PCNT: variants seen among roughly 807,000 people sequenced by gnomAD.
PCNT encodes the protein kendrin.
In PCNT, 319 loss-of-function variants were observed where a neutral mutation model predicts 380.4. The ratio of observed to expected loss-of-function variants is 0.84; its 90% confidence interval spans 0.77 to 0.92. PCNT has a LOEUF of 0.92. PCNT is among the 40% of genes least tolerant of loss of function. PCNT has a pLI of 0.00. For synonymous variants in PCNT, 1,845 were observed against 1,735.2 expected, an observed-to-expected ratio of 1.06 and a Z score of -1.57; for missense variants, 4,400 against 4,255.3, an observed-to-expected ratio of 1.03 and a Z score of -0.95.
At chr21:46,329,879 C>T (rs2146291578) in intron 2 of PCNT, among the ~76,000 whole-genome samples, 1 of 152,312 alleles carries the variant, frequency 6.6e-6, no homozygotes, top group Non-Finnish European at 1.5e-5. Flanking sequence ...CAGGATTCTT[C>T]ATGGAATGAA....
At chr21:46,330,371 G>T (rs977365886) in intron 2 of PCNT, among the ~76,000 whole-genome samples, 1 of 152,022 alleles carries the variant, frequency 6.6e-6, no homozygotes, top group African/African-American at 2.4e-5. Context: ...CTCCCACCTC[G>T]GCCTCCCAAA....
intron 21 of PCNT, among the ~76,000 whole-genome samples, chr21:46,393,577 G>C (rs1388004365): frequency 6.6e-6 from 1 of 152,166 alleles, no homozygotes; most frequent in Non-Finnish European, 1.5e-5. Flanking sequence ...TCATCACCTC[G>C]AGCCCTTGGA....
At chr21:46,350,475 T>A (rs557392996) in intron 8 of PCNT, among the ~76,000 whole-genome samples, 1 of 152,252 alleles carries the variant, frequency 6.6e-6, no homozygotes, top group South Asian at 2.1e-4. Flanking sequence ...AGCACTACAA[T>A]CAAAATGTTG....
chr21:46,429,916 C>T (rs1434212560), intron 35 of PCNT, 94 bp from the exon 36 acceptor site: 2 of 954,274 alleles, frequency 2.1e-6, no homozygotes, highest in Middle Eastern at 5.8e-4. Flanking sequence ...AGCACATACA[C>T]CTCACGCCCC....
chr21:46,422,242 T>C (rs1246364508), intron 32 of PCNT, 118 bp downstream of exon 32: 1 of 1,258,982 alleles, frequency 7.9e-7, no homozygotes, highest in African/African-American at 1.5e-5. Flanking sequence ...CCTGGGTGCC[T>C]CTGAGCACCT....
Position 46,349,583 on chromosome 21 carries a change from C to T in PCNT, c.1208-101C>T. The T allele has an allele frequency of 2.3e-6, 3 of 1,302,692 alleles. 1 individual carries two copies. In the East Asian group the frequency reaches 6.9e-5, roughly 30 times the overall value. The allele number at this position is 1,302,692 out of a possible 1,614,324, so 80.7% of individuals were successfully genotyped here. A position where few individuals can be genotyped will look rare whatever the true frequency, so the allele number is the denominator to read the frequency against. ...GGGCCCGGGGGCGCCCAGGATGGGG[C>T]TCTGGGTGGCAGCGCTCTGGGTGCA... On this transcript the variant is annotated intron_variant, in intron 7 of 46. Coordinates refer to ENST00000359568, the MANE Select transcript of PCNT (RefSeq NM_006031.6).
At chr21:46,328,755 C>G (rs1376312598) in intron 2 of PCNT, among the ~76,000 whole-genome samples, 1 of 151,618 alleles carries the variant, frequency 6.6e-6, no homozygotes, top group Non-Finnish European at 1.5e-5. Context: ...GCCACTGCAC[C>G]CGGCCCTCTG....
chr21:46,334,903 G>C, intron 3 of PCNT, 135 bp downstream of exon 3: 1 of 1,414,474 alleles, frequency 7.1e-7, no homozygotes, highest in South Asian at 1.3e-5. Context: ...AGCATAGAGA[G>C]CTGGAGGCAG....
At chr21:46,421,238 T>A (rs569188148) in intron 31 of PCNT, among the ~76,000 whole-genome samples, 30 of 152,372 alleles carry the variant, frequency 2.0e-4, no homozygotes, top group African/African-American at 7.0e-4. Flanking sequence ...GCCCAAGTGC[T>A]GCAGCCTCCG....
intron 31 of PCNT, 97 bp from the exon 32 acceptor site, chr21:46,421,873 C>A: frequency 1.5e-6 from 2 of 1,352,502 alleles, no homozygotes; most frequent in Non-Finnish European, 2.1e-6. Context: ...TCGCTGGGGA[C>A]TGCGGGCCGA....
chr21:46,356,066 G>A (rs1157725889), intron 12 of PCNT, among the ~76,000 whole-genome samples: 1 of 152,222 alleles, frequency 6.6e-6, no homozygotes, highest in Non-Finnish European at 1.5e-5. Context: ...GGGGCACAGG[G>A]CTGTGGGGTC....
intron 13 of PCNT, among the ~76,000 whole-genome samples, chr21:46,360,479 T>A (rs2084669719): frequency 6.9e-6 from 1 of 145,854 alleles, no homozygotes; most frequent in Non-Finnish European, 1.5e-5. Flanking sequence ...TGCCTCGGAC[T>A]CCCAAAGTGC....
intron 4 of PCNT, 42 bp from the exon 5 acceptor site, chr21:46,346,701 T>A (rs1336990983): frequency 6.3e-7 from 1 of 1,575,760 alleles, no homozygotes; most frequent in Non-Finnish European, 8.6e-7. Flanking sequence ...GCGCCCTGGT[T>A]CTGACCATGG....
chr21:46,424,841 CA>C (rs2087427750), intron 32 of PCNT, among the ~76,000 whole-genome samples: 1 of 151,954 alleles, frequency 6.6e-6, no homozygotes, highest in South Asian at 2.1e-4. Context: ...CATCCTGTGC[CA>C]CATACGTTAT....
chr21:46,412,638 G>T (rs1352492903), intron 28 of PCNT, among the ~76,000 whole-genome samples, 199 bp from the exon 29 acceptor site: 1 of 152,216 alleles, frequency 6.6e-6, no homozygotes, highest in East Asian at 1.9e-4. Flanking sequence ...TCCTGGGTCG[G>T]GGCAGCTTTC....
chr21:46,345,319 G>A (rs947680569), intron 3 of PCNT, among the ~76,000 whole-genome samples: 1 of 152,128 alleles, frequency 6.6e-6, no homozygotes, highest in African/African-American at 2.4e-5. Context: ...CCAGGTTCAA[G>A]TGATCCTCCT....
At chr21:46,427,451 G>C (rs1292490338) in intron 33 of PCNT, among the ~76,000 whole-genome samples, 171 bp from the exon 34 acceptor site, 1 of 152,204 alleles carries the variant, frequency 6.6e-6, no homozygotes, top group African/African-American at 2.4e-5. Flanking sequence ...GTCCTCATAT[G>C]ATGGAGACAG....
Position 46,359,480 on chromosome 21 carries a change from G to GTTTTT in PCNT, c.2154+2295_2154+2299dup, listed in dbSNP as rs1478908165. On this transcript the variant is annotated intron_variant, in intron 13 of 46. Coordinates refer to ENST00000359568, the MANE Select transcript of PCNT (RefSeq NM_006031.6). ...TAGTATTCTGTCCAAAAATACACCT[G>GTTTTT]TTTTTTTTTTGTTTTTTTTTTTTTT... 1.8e-3 allele frequency among the ~76,000 whole-genome samples: 121 copies of GTTTTT among 65,696 alleles called. 19 individuals carry two copies. The highest frequency in any genetic ancestry group is 3.4e-3 in the South Asian group (7 of 2,074). The allele number at this position is 65,696 out of a possible 152,430, so 43.1% of individuals were successfully genotyped here.
At chr21:46,392,516 C>T (rs189928790) in intron 21 of PCNT, among the ~76,000 whole-genome samples, 45 of 152,352 alleles carry the variant, frequency 3.0e-4, no homozygotes, top group South Asian at 1.0e-3. Flanking sequence ...CCACCATGCC[C>T]GGCCAGCTCC....
Sources: gnomAD v4.1 joint callset for allele counts (sites outside exome capture counted in the v4.1 genomes callset) on GRCh38, gnomAD v4.1.1 for gene constraint, MANE v1.5 for transcripts, NCBI Gene and HGNC (gene_info 2026-07-23, HGNC 2026-07-21) for gene names.